Variants in FRAS1 observed in about 807,000 individuals in gnomAD.
FRAS1 encodes Fraser extracellular matrix complex subunit 1.
FRAS1 carries 290 observed loss-of-function variants against 435.2 expected under a neutral mutation model. That is an observed-to-expected ratio of 0.67 (90% CI 0.61 to 0.73). The LOEUF (loss-of-function observed/expected upper bound fraction) is 0.73. FRAS1 is among the 30% of genes least tolerant of loss of function. The probability of loss-of-function intolerance (pLI) is 0.00; values close to 1 mark genes in which losing one functional copy is unlikely to be tolerated. For synonymous variants in FRAS1, 1,800 were observed against 1,851.0 expected, an observed-to-expected ratio of 0.97 and a Z score of 0.71; for missense variants, 4,860 against 5,001.5, an observed-to-expected ratio of 0.97 and a Z score of 0.85.
At chr4:78,260,197 G>A (rs1305106914) in intron 6 of FRAS1, among the ~76,000 whole-genome samples, 2 of 151,540 alleles carry the variant, frequency 1.3e-5, no homozygotes, top group African/African-American at 4.9e-5. Flanking sequence ...CTCTTTTTTG[G>A]TTCCATATGA....
intron 2 of FRAS1, among the ~76,000 whole-genome samples, chr4:78,185,470 T>C (rs1722230926): frequency 6.6e-6 from 1 of 152,238 alleles, no homozygotes; most frequent in Non-Finnish European, 1.5e-5. Context: ...GCTCACGGGA[T>C]TGTTTTTCAC....
rs559206528 is a variant in FRAS1 at position 78,057,825 on chromosome 4, G to T, written c.-185G>T. The T allele has an allele frequency of 9.1e-5, 53 of 584,900 alleles. No individual in the cohort carries two copies. Among genetic ancestry groups the T allele is most frequent in the South Asian group, 8.5e-4 (38 of 44,636 alleles). 36.2% of individuals were successfully genotyped at this position (584,900 alleles called of 1,614,324 possible). A position where few individuals can be genotyped will look rare whatever the true frequency, so the allele number is the denominator to read the frequency against. On this transcript the variant is annotated 5_prime_UTR_variant, in exon 1 of 74. Transcript: ENST00000512123. The surrounding 1 kb of genome is among the most constrained non-coding windows in gnomAD (Gnocchi z 4.2). ...CAGCGAGTGAATTGAACCCCAGCCCGCTCCGGCGCCTCCGGGCTGATGAGT... is the reference window on the plus strand; with the variant it reads ...CAGCGAGTGAATTGAACCCCAGCCCTCTCCGGCGCCTCCGGGCTGATGAGT...
At chr4:78,430,261 C>G in intron 36 of FRAS1, 31 bp from the exon 37 acceptor site, 1 of 1,613,464 alleles carries the variant, frequency 6.2e-7, no homozygotes, top group Non-Finnish European at 8.5e-7. Context: ...TACGCTTTCT[C>G]TCTCACCACG....
chr4:78,296,267 A>G (rs541334125), intron 14 of FRAS1, among the ~76,000 whole-genome samples: 6 of 151,554 alleles, frequency 4.0e-5, no homozygotes, highest in African/African-American at 1.2e-4. Context: ...ACTTTTTTCT[A>G]TTATGAAGTT....
intron 14 of FRAS1, among the ~76,000 whole-genome samples, chr4:78,292,808 G>A (rs1338960152): frequency 6.6e-6 from 1 of 152,170 alleles, no homozygotes; most frequent in East Asian, 1.9e-4. Flanking sequence ...CAGTTTCATT[G>A]CCGGGTCACA....
At chr4:78,078,879 A>C (rs1481630960) in intron 2 of FRAS1, among the ~76,000 whole-genome samples, 1 of 152,168 alleles carries the variant, frequency 6.6e-6, no homozygotes, top group African/African-American at 2.4e-5. Context: ...AAAAATTTTA[A>C]ATTATTAAAC....
At chr4:78,467,844 A>T (rs1385504530) in intron 50 of FRAS1, among the ~76,000 whole-genome samples, 1 of 152,140 alleles carries the variant, frequency 6.6e-6, no homozygotes, top group African/African-American at 2.4e-5. Context: ...GCGTCTTTTC[A>T]TATGTCTCTT....
chr4:78,495,265 C>A (rs1198006313), intron 59 of FRAS1, among the ~76,000 whole-genome samples: 3 of 145,722 alleles, frequency 2.1e-5, no homozygotes, highest in Non-Finnish European at 4.5e-5. Flanking sequence ...TTTTCTTTTT[C>A]TGTCACTTAT....
intron 14 of FRAS1, among the ~76,000 whole-genome samples, chr4:78,307,255 C>G (rs540450098): frequency 6.6e-6 from 1 of 152,368 alleles, no homozygotes; most frequent in Non-Finnish European, 1.5e-5. Context: ...GGGAGAACCA[C>G]TGCTGTCTTC....
chr4:78,317,282 G>A (rs1729304407), intron 16 of FRAS1, 86 bp from the exon 17 acceptor site: 2 of 1,490,484 alleles, frequency 1.3e-6, no homozygotes, highest in African/African-American at 1.4e-5. Context: ...GGGACTAAGA[G>A]TCCCAGGCCC....
At chr4:78,271,777 G>A (rs918143461) in intron 9 of FRAS1, among the ~76,000 whole-genome samples, 57 of 152,270 alleles carry the variant, frequency 3.7e-4, no homozygotes, top group African/African-American at 1.3e-3. Flanking sequence ...ATAAACATAC[G>A]TGTGCATGTG....
chr4:78,267,019 G>C, intron 8 of FRAS1, 84 bp downstream of exon 8: 1 of 1,015,244 alleles, frequency 9.8e-7, no homozygotes, highest in Non-Finnish European at 1.5e-6. Flanking sequence ...TGTGTCCTTT[G>C]GGGGAATCAA....
Position 78,446,869 on chromosome 4 carries a change from A to AC in FRAS1, c.5999_6000insC (p.Lys2000AsnfsTer3). 1 of 1,609,188 alleles carries AC rather than the reference A, an allele frequency of 6.2e-7. No homozygotes were observed. Among genetic ancestry groups the AC allele is most frequent in the East Asian group, 2.2e-5 (1 of 44,770 alleles). On this transcript the variant is annotated frameshift_variant, in exon 43 of 74. Transcript: ENST00000512123. LOFTEE classifies it high-confidence loss of function. ...GAGCTCATTTTTGTATTGACAAAAA[A>AC]GCCTGACCACGGTAGGGCACGAACT... is the stretch of plus-strand genomic sequence containing the variant.
intron 20 of FRAS1, among the ~76,000 whole-genome samples, chr4:78,343,077 C>G (rs1008536543): frequency 6.6e-6 from 1 of 151,732 alleles, no homozygotes; most frequent in African/African-American, 2.4e-5. Flanking sequence ...GCAACAAAAA[C>G]AAAAACAAAA....
chr4:78,181,823 T>G, intron 2 of FRAS1: 1 of 1,612,104 alleles, frequency 6.2e-7, no homozygotes. Flanking sequence ...GCGGTCTTTC[T>G]GGGACTCCTT....
chr4:78,316,234 T>C (rs1729239501), intron 16 of FRAS1, among the ~76,000 whole-genome samples: 1 of 152,236 alleles, frequency 6.6e-6, no homozygotes, highest in Non-Finnish European at 1.5e-5. Flanking sequence ...GCCTAAACTA[T>C]GAAACATACC....
intron 38 of FRAS1, among the ~76,000 whole-genome samples, chr4:78,438,253 A>G (rs974640141): frequency 6.6e-6 from 1 of 152,214 alleles, no homozygotes; most frequent in African/African-American, 2.4e-5. Flanking sequence ...AAGCTTAAAA[A>G]TGAAATCTTG....
chr4:78,536,962 T>C (rs778106772), intron 71 of FRAS1, 33 bp from the exon 72 acceptor site: 4 of 1,568,952 alleles, frequency 2.5e-6, no homozygotes, highest in East Asian at 4.5e-5. Flanking sequence ...CATCTTAAAG[T>C]CTGACCTAAT....
intron 20 of FRAS1, among the ~76,000 whole-genome samples, chr4:78,341,786 G>A (rs1237667897): frequency 6.6e-6 from 1 of 152,120 alleles, no homozygotes; most frequent in Non-Finnish European, 1.5e-5. Flanking sequence ...GAGGAAAACA[G>A]TGTGCTTGAA....
Sources: allele counts gnomAD v4.1 joint callset (sites outside exome capture counted in the v4.1 genomes callset), GRCh38; gene constraint gnomAD v4.1.1; non-coding constraint Gnocchi (gnomAD v3.1); transcripts MANE v1.5; gene names NCBI Gene and HGNC (gene_info 2026-07-23, HGNC 2026-07-21).